HP1BP3: variants seen among roughly 807,000 people sequenced by gnomAD.
HP1BP3 encodes heterochromatin protein 1 binding protein 3, also known as heterochromatin protein 1-binding protein 3.
A neutral mutation model predicts 62.5 loss-of-function variants in HP1BP3; 12 were observed. The ratio of observed to expected loss-of-function variants is 0.19; its 90% confidence interval spans 0.12 to 0.31. The LOEUF is 0.31. Among genes scored for constraint, HP1BP3 ranks in the 10% least tolerant of loss-of-function variants. HP1BP3 has a pLI of 1.00. For missense variants in HP1BP3, 502 were observed against 651.8 expected (o/e 0.77, Z 2.50); for synonymous variants, 260 against 237.8 (o/e 1.09, Z -0.86).
At chr1:20,755,604 T>C (rs947036265) in intron 9 of HP1BP3, among the ~76,000 whole-genome samples, 2 of 152,050 alleles carry the variant, frequency 1.3e-5, no homozygotes, top group Admixed American at 6.6e-5. Flanking sequence ...TGAGCCCTTA[T>C]AAACACTGCC....
At chr1:20,780,006 T>C in intron 2 of HP1BP3, 95 bp from the exon 3 acceptor site, 1 of 905,030 alleles carries the variant, frequency 1.1e-6, no homozygotes, top group South Asian at 1.6e-5. Context: ...TGTAGGAGAA[T>C]TCTTCAAGTC....
intron 8 of HP1BP3, among the ~76,000 whole-genome samples, chr1:20,761,088 A>G (rs924103918): frequency 6.6e-6 from 1 of 152,096 alleles, no homozygotes; most frequent in African/African-American, 2.4e-5. Context: ...TCTGTCGCCC[A>G]GGCTGGAGTG....
rs969590137 is a variant in HP1BP3, at chr1:20,741,608, T to C, written c.*3189A>G. Among the ~76,000 whole-genome samples, 1 of 152,218 alleles carries C rather than the reference T, an allele frequency of 6.6e-6. No individual in the cohort carries two copies. Among genetic ancestry groups the C allele is most frequent in the Non-Finnish European group, 1.5e-5 (1 of 68,038 alleles). On this transcript the variant is annotated 3_prime_UTR_variant, in exon 13 of 13. Transcript: ENST00000438032. ...CCATGTGCAATGAATGCTTCTGTCA[T>C]AGTGCTAAGGAAAGGTCTCCACATT...
At chr1:20,772,490 A>G (rs1053067639) in intron 5 of HP1BP3, among the ~76,000 whole-genome samples, 1 of 151,356 alleles carries the variant, frequency 6.6e-6, no homozygotes, top group East Asian at 1.9e-4. Context: ...ATCTAGACCA[A>G]TAAAGTTTTC....
intron 8 of HP1BP3, among the ~76,000 whole-genome samples, chr1:20,761,411 G>T (rs201951877): frequency 6.6e-6 from 1 of 152,306 alleles, no homozygotes; most frequent in East Asian, 1.9e-4. Flanking sequence ...GTCTGATAAA[G>T]AGAAGAGACC....
intron 1 of HP1BP3, among the ~76,000 whole-genome samples, 193 bp from the exon 2 acceptor site, chr1:20,780,733 A>G (rs1248438878): frequency 6.6e-6 from 1 of 152,242 alleles, no homozygotes; most frequent in Non-Finnish European, 1.5e-5. Context: ...AGACGAATGC[A>G]TAAGCCACGG....
At chr1:20,752,487 TCA>T (rs2055832480) in intron 9 of HP1BP3, among the ~76,000 whole-genome samples, 1 of 151,870 alleles carries the variant, frequency 6.6e-6, no homozygotes, top group Non-Finnish European at 1.5e-5. Context: ...AGATGGGGTT[TCA>T]CCATGTTGGC....
At chr1:20,754,732 C>A (rs927997905) in intron 9 of HP1BP3, among the ~76,000 whole-genome samples, 5 of 152,090 alleles carry the variant, frequency 3.3e-5, no homozygotes, top group Non-Finnish European at 7.4e-5. Flanking sequence ...AGGGAAGGGA[C>A]AGTCTTTTCA....
At chr1:20,752,286 T>C (rs567198420) in intron 9 of HP1BP3, among the ~76,000 whole-genome samples, 3 of 151,948 alleles carry the variant, frequency 2.0e-5, no homozygotes, top group East Asian at 1.9e-4. Flanking sequence ...AGATGCGATT[T>C]GCTTTTTCAC....
chr1:20,784,850 C>T (rs188380609), intron 1 of HP1BP3, among the ~76,000 whole-genome samples: 13 of 152,228 alleles, frequency 8.5e-5, no homozygotes. Flanking sequence ...TTTACATGGT[C>T]CTCTTATGAA....
At chr1:20,762,377 A>G (rs1265775441) in intron 8 of HP1BP3, among the ~76,000 whole-genome samples, 3 of 152,312 alleles carry the variant, frequency 2.0e-5, no homozygotes, top group Non-Finnish European at 4.4e-5. Context: ...GTAGCAACAC[A>G]CTACCTTATG....
At chr1:20,748,620 G>C (rs973264855) in intron 10 of HP1BP3, among the ~76,000 whole-genome samples, 4 of 152,032 alleles carry the variant, frequency 2.6e-5, no homozygotes, top group African/African-American at 7.2e-5. Flanking sequence ...ATTAGCCAGG[G>C]GTGGTGGCAG....
At chr1:20,750,367 A>ACG (rs2055650440) in intron 9 of HP1BP3, 1 of 53,564 alleles carries the variant, frequency 1.9e-5, no homozygotes, top group Non-Finnish European at 5.0e-5. Flanking sequence ...ACACACACAC[A>ACG]CACACACACA....
Position 20,740,998 on chromosome 1 carries a change from A to C in HP1BP3, c.*3799T>G, listed in dbSNP as rs1248668356. 6.6e-6 allele frequency among the ~76,000 whole-genome samples: 1 copy of C among 152,236 alleles called. No individual in the cohort carries two copies. Among genetic ancestry groups the C allele is most frequent in the Admixed American group, 6.5e-5 (1 of 15,282 alleles). ...TGCTTCCTTGGCTTTGGCTCTGCAG[A>C]AGTGAGTGACCATCTGTTCCACCAT... On this transcript the variant is annotated 3_prime_UTR_variant, in exon 13 of 13. Transcript: ENST00000438032.
chr1:20,784,893 T>C (rs1199209984), intron 1 of HP1BP3, among the ~76,000 whole-genome samples: 1 of 152,228 alleles, frequency 6.6e-6, no homozygotes, highest in East Asian at 1.9e-4. Flanking sequence ...GTTACAACAA[T>C]AACAAATATT....
chr1:20,756,702 G>T (rs2056131071), intron 9 of HP1BP3, among the ~76,000 whole-genome samples: 1 of 152,100 alleles, frequency 6.6e-6, no homozygotes, highest in Non-Finnish European at 1.5e-5. Flanking sequence ...TTTTTCCTCA[G>T]TGTTAATTTC....
intron 9 of HP1BP3, among the ~76,000 whole-genome samples, chr1:20,752,420 G>A (rs1256101680): frequency 1.3e-5 from 2 of 150,952 alleles, no homozygotes; most frequent in African/African-American, 2.4e-5. Context: ...TCTACCTCCC[G>A]AGTAGCTGGG....
chr1:20,760,830 C>T (rs1293345737), intron 8 of HP1BP3, among the ~76,000 whole-genome samples: 2 of 152,078 alleles, frequency 1.3e-5, no homozygotes, highest in African/African-American at 4.8e-5. Context: ...AACAAGATTC[C>T]TTCTCAAATA....
At chr1:20,768,024 T>C (rs543709450) in intron 6 of HP1BP3, among the ~76,000 whole-genome samples, 1 of 119,846 alleles carries the variant, frequency 8.3e-6, no homozygotes, top group African/African-American at 3.1e-5. Context: ...CACAATCTCT[T>C]AGGGAAATAA....
Sources: allele counts gnomAD v4.1 joint callset (sites outside exome capture counted in the v4.1 genomes callset), GRCh38; gene constraint gnomAD v4.1.1; transcripts MANE v1.5; gene names NCBI Gene and HGNC (gene_info 2026-07-23, HGNC 2026-07-21).